Variants in SLC25A24 observed in about 807,000 individuals in gnomAD.
SLC25A24 encodes the protein mitochondrial adenyl nucleotide antiporter SLC25A24.
A neutral mutation model predicts 60.7 loss-of-function variants in SLC25A24; 49 were observed. The ratio of observed to expected loss-of-function variants is 0.81; its 90% CI spans 0.64 to 1.02. SLC25A24 has a LOEUF of 1.02. Ranked by LOEUF, SLC25A24 falls within the 50% of genes least tolerant of loss-of-function variation. The pLI, the probability that SLC25A24 is intolerant of heterozygous loss-of-function variation, is 0.00. For missense variants in SLC25A24, 564 were observed against 586.3 expected, an observed-to-expected ratio of 0.96 and a Z score of 0.39; for synonymous variants, 202 against 200.6, an observed-to-expected ratio of 1.01 and a Z score of -0.06.
At chr1:108,178,225 GGAGA>G (rs1265522182) in intron 3 of SLC25A24, among the ~76,000 whole-genome samples, 1 of 152,056 alleles carries the variant, frequency 6.6e-6, no homozygotes, top group Non-Finnish European at 1.5e-5. Flanking sequence ...ACGTCTGAAA[GGAGA>G]GAGAGACTGC....
At chr1:108,164,761 AT>A (rs2101622275) in intron 3 of SLC25A24, among the ~76,000 whole-genome samples, 1 of 86,146 alleles carries the variant, frequency 1.2e-5, no homozygotes, top group African/African-American at 5.8e-5. Flanking sequence ...GGATTCATTA[AT>A]TTTTTGAAGG....
chr1:108,162,630 T>C (rs1376317654), intron 3 of SLC25A24, among the ~76,000 whole-genome samples: 1 of 152,316 alleles, frequency 6.6e-6, no homozygotes, highest in African/African-American at 2.4e-5. Flanking sequence ...CACCCACTTT[T>C]TGATAGGGTT....
At chr1:108,163,370 G>C (rs1260791507) in intron 3 of SLC25A24, among the ~76,000 whole-genome samples, 1 of 148,874 alleles carries the variant, frequency 6.7e-6, no homozygotes, top group East Asian at 2.0e-4. Flanking sequence ...CATTGAATCT[G>C]TAAATTGCCT....
At chr1:108,193,055 T>A (rs1359779849) in intron 1 of SLC25A24, among the ~76,000 whole-genome samples, 2 of 139,946 alleles carry the variant, frequency 1.4e-5, no homozygotes, top group African/African-American at 5.0e-5. Flanking sequence ...AGGTTGGGAA[T>A]GTTGGGACAT....
At chr1:108,188,044 C>T (rs1199255448) in intron 1 of SLC25A24, among the ~76,000 whole-genome samples, 1 of 150,080 alleles carries the variant, frequency 6.7e-6, no homozygotes, top group African/African-American at 2.5e-5. Context: ...TACTACACAG[C>T]CATAAAGAAG....
In SLC25A24 at chr1:108,199,969, T is replaced by C; in HGVS notation, c.170A>G (p.Gln57Arg). Residue 57 changes from glutamine to arginine, a missense_variant, in exon 1 of 10, where the codon CAG (glutamine) becomes CGG (arginine). By Grantham distance (43) the Gln-to-Arg change is conservative. Transcript: ENST00000565488. ...GCGGCGACCCACCTCCTCGGCGTCCTGGCCCAGAGGGATGCCCAGGTTCCT... is the reference window on the plus strand; with the variant it reads ...GCGGCGACCCACCTCCTCGGCGTCCCGGCCCAGAGGGATGCCCAGGTTCCT... ...GLRNLGIPLG[Q>R]DAEEKIFTTG... is the part of the protein sequence containing the mutation. 1 of 1,608,526 alleles carries C rather than the reference T, an allele frequency of 6.2e-7. No individual in the cohort carries two copies. Among genetic ancestry groups the C allele is most frequent in the Non-Finnish European group, 8.5e-7 (1 of 1,178,074 alleles).
chr1:108,148,528 G>C (rs1440295276), intron 6 of SLC25A24, 142 bp from the exon 7 acceptor site: 3 of 616,322 alleles, frequency 4.9e-6, no homozygotes, highest in African/African-American at 1.8e-5. Flanking sequence ...GGGTTATGAG[G>C]TCATGAGGAT....
intron 3 of SLC25A24, among the ~76,000 whole-genome samples, chr1:108,162,297 G>C (rs1680110694): frequency 6.8e-6 from 1 of 147,838 alleles, no homozygotes; most frequent in South Asian, 2.2e-4. Context: ...ATAGTCCTTT[G>C]GGTATATACC....
At chr1:108,140,306 T>C (rs1165277532) in intron 8 of SLC25A24, among the ~76,000 whole-genome samples, 1 of 151,956 alleles carries the variant, frequency 6.6e-6, no homozygotes, top group Non-Finnish European at 1.5e-5. Context: ...TGGGCAAAAC[T>C]GCCCTTCAAA....
At chr1:108,168,145 T>C (rs1647273023) in intron 3 of SLC25A24, among the ~76,000 whole-genome samples, 1 of 152,200 alleles carries the variant, frequency 6.6e-6, no homozygotes, top group Admixed American at 6.5e-5. Flanking sequence ...TCAAATAAAA[T>C]GCAATTTTCA....
chr1:108,140,811 T>C (rs1349570970), intron 8 of SLC25A24, among the ~76,000 whole-genome samples: 1 of 72,636 alleles, frequency 1.4e-5, no homozygotes, highest in Non-Finnish European at 2.7e-5. Context: ...AATCAGAACA[T>C]ATCACTACAA....
chr1:108,190,688 C>A (rs1648315823), intron 1 of SLC25A24, among the ~76,000 whole-genome samples: 1 of 125,860 alleles, frequency 7.9e-6, no homozygotes, highest in African/African-American at 2.9e-5. Flanking sequence ...ATGTAAGTAT[C>A]ATTTCTTTTT....
rs553989826 is a variant in SLC25A24, at chr1:108,173,462, G to A, written c.398+8479C>T. Among the ~76,000 whole-genome samples, 3 of 152,272 alleles carry A rather than the reference G, an allele frequency of 2.0e-5. No individual in the cohort carries two copies. In the East Asian group the frequency reaches 5.8e-4, roughly 29 times the overall value. On this transcript the variant is annotated intron_variant, in intron 3 of 9. Coordinates refer to ENST00000565488, the MANE Select transcript of SLC25A24 (RefSeq NM_013386.5). ...AGTTATCTGAGGCCTCCCCAGCCAC[G>A]CGAAACTGTGAGTCAATTAAACCTC...
At chr1:108,190,250 T>C (rs1398298148) in intron 1 of SLC25A24, among the ~76,000 whole-genome samples, 9 of 152,142 alleles carry the variant, frequency 5.9e-5, no homozygotes, top group African/African-American at 2.2e-4. Flanking sequence ...GGAGGGTTCA[T>C]TAGAAACGCG....
At chr1:108,186,476 G>C (rs1186756044) in intron 1 of SLC25A24, among the ~76,000 whole-genome samples, 1 of 152,088 alleles carries the variant, frequency 6.6e-6, no homozygotes, top group African/African-American at 2.4e-5. Flanking sequence ...AGGATCACTT[G>C]AGCCCAGGAA....
intron 1 of SLC25A24, among the ~76,000 whole-genome samples, chr1:108,197,304 TG>T (rs1648525169): frequency 6.6e-6 from 1 of 152,220 alleles, no homozygotes; most frequent in Non-Finnish European, 1.5e-5. Context: ...AACAGAAATT[TG>T]TTCTCTTCTA....
At chr1:108,170,480 C>T (rs1647424965) in intron 3 of SLC25A24, among the ~76,000 whole-genome samples, 1 of 151,932 alleles carries the variant, frequency 6.6e-6, no homozygotes. Context: ...TTAAATCAAG[C>T]TTATGTATTT....
At chr1:108,143,733 T>C (rs1679510729) in intron 7 of SLC25A24, 23 bp from the exon 8 acceptor site, 27 of 1,587,234 alleles carry the variant, frequency 1.7e-5, no homozygotes, top group Non-Finnish European at 2.0e-5. Flanking sequence ...AAAAACAAAA[T>C]ATGATTGTTC....
chr1:108,199,877 C>T (rs1335727468), intron 1 of SLC25A24, 79 bp downstream of exon 1: 16 of 1,145,288 alleles, frequency 1.4e-5, no homozygotes, highest in Non-Finnish European at 1.9e-5. Flanking sequence ...CCTCAAGCCG[C>T]CGCCCTCCTC....
Sources: allele counts gnomAD v4.1 joint callset (sites outside exome capture counted in the v4.1 genomes callset), GRCh38; gene constraint gnomAD v4.1.1; transcripts MANE v1.5; gene names NCBI Gene and HGNC (gene_info 2026-07-23, HGNC 2026-07-21).